Variants in BPTF observed in about 807,000 individuals in gnomAD.
The protein encoded by BPTF is bromodomain PHD finger transcription factor.
BPTF carries 18 observed loss-of-function variants against 292.5 expected under a neutral mutation model. That is an observed-to-expected ratio of 0.06 (90% CI 0.04 to 0.09). The LOEUF (loss-of-function observed/expected upper bound fraction) is 0.09. Ranked by LOEUF, BPTF falls within the 10% of genes least tolerant of loss-of-function variation. The pLI is 1.00. For synonymous variants in BPTF, 1,225 were observed against 1,251.9 expected (o/e 0.98, Z 0.45); for missense variants, 2,726 against 3,498.7 (o/e 0.78, Z 5.57).
Position 67,922,834 on chromosome 17 carries a change from C to T in BPTF, c.5558-6C>T. 6.3e-7 allele frequency: 1 copy of T among 1,583,622 alleles called. No individual in the cohort carries two copies. The highest frequency in any genetic ancestry group is 8.5e-7 in the Non-Finnish European group (1 of 1,171,936). On this transcript the variant is annotated splice_polypyrimidine_tract_variant and splice_region_variant and intron_variant, in intron 13 of 27. Coordinates refer to ENST00000306378, the MANE Select transcript of BPTF (RefSeq NM_182641.4). ...TGCTTAAAATATTCTGATTTCCTTT[C>T]CAAAGAAACGCCTACACCTCAGAGG... is the stretch of plus-strand genomic sequence containing the variant.
At chr17:67,947,956 A>C in intron 22 of BPTF, 125 bp from the exon 23 acceptor site, 1 of 1,247,746 alleles carries the variant, frequency 8.0e-7, no homozygotes, top group African/African-American at 1.5e-5. Context: ...ACTGGTTTGA[A>C]CCACTCTTGA....
chr17:67,976,908 C>G (rs553299466), intron 27 of BPTF, among the ~76,000 whole-genome samples: 1 of 152,106 alleles, frequency 6.6e-6, no homozygotes, highest in Admixed American at 6.6e-5. Context: ...AGTTGATAAA[C>G]ATCATAAACC....
At chr17:67,941,899 A>T (rs2065396700) in intron 19 of BPTF, among the ~76,000 whole-genome samples, 1 of 152,240 alleles carries the variant, frequency 6.6e-6, no homozygotes, top group Admixed American at 6.5e-5. Flanking sequence ...CTACAGAGAG[A>T]GTGAAGAAAA....
At chr17:67,930,662 G>A (rs1437280294) in intron 17 of BPTF, among the ~76,000 whole-genome samples, 1 of 152,022 alleles carries the variant, frequency 6.6e-6, no homozygotes, top group Non-Finnish European at 1.5e-5. Flanking sequence ...ACTATGAAAG[G>A]ACCAGGGGCA....
At chr17:67,827,974 T>G (rs1431244719) in intron 1 of BPTF, among the ~76,000 whole-genome samples, 2 of 149,852 alleles carry the variant, frequency 1.3e-5, no homozygotes, top group African/African-American at 4.9e-5. Context: ...CTCTGTCGTC[T>G]GGGCTGGAGT....
intron 11 of BPTF, among the ~76,000 whole-genome samples, chr17:67,914,096 A>G (rs542732633): frequency 1.9e-4 from 29 of 152,336 alleles, no homozygotes; most frequent in African/African-American, 7.0e-4. Context: ...AGAATCAGTC[A>G]TAGTTGCAGT....
At chr17:67,861,340 C>CTTTTTTTT (rs568176532) in intron 2 of BPTF, among the ~76,000 whole-genome samples, 1 of 135,102 alleles carries the variant, frequency 7.4e-6, no homozygotes. Flanking sequence ...AAGATTTTTT[C>CTTTTTTTT]TTTTTTTTTT....
chr17:67,851,157 C>T (rs553615052), intron 1 of BPTF, among the ~76,000 whole-genome samples: 1 of 152,208 alleles, frequency 6.6e-6, no homozygotes, highest in South Asian at 2.1e-4. Flanking sequence ...TCGGCAGAGT[C>T]TGGGACCCTA....
intron 15 of BPTF, 91 bp from the exon 16 acceptor site, chr17:67,928,264 T>A: frequency 1.5e-6 from 2 of 1,309,702 alleles, no homozygotes; most frequent in Non-Finnish European, 2.1e-6. Flanking sequence ...TTTCTTAAGG[T>A]GAGAGAAATT....
chr17:67,938,172 T>C (rs2065078243), intron 18 of BPTF, among the ~76,000 whole-genome samples: 1 of 152,228 alleles, frequency 6.6e-6, no homozygotes, highest in South Asian at 2.1e-4. Context: ...TAAATTGATA[T>C]ATACCTATTG....
At chr17:67,860,765 C>T (rs1425644391) in intron 2 of BPTF, among the ~76,000 whole-genome samples, 2 of 152,190 alleles carry the variant, frequency 1.3e-5, no homozygotes, top group African/African-American at 4.8e-5. Flanking sequence ...CACTATGTTG[C>T]CAGGCTGGTC....
At chr17:67,962,728 A>G (rs2067639931) in intron 24 of BPTF, among the ~76,000 whole-genome samples, 1 of 152,258 alleles carries the variant, frequency 6.6e-6, no homozygotes, top group South Asian at 2.1e-4. Context: ...ATGTTTATTC[A>G]GAAAACCTGG....
chr17:67,840,990 T>C (rs2057511545), intron 1 of BPTF, among the ~76,000 whole-genome samples: 1 of 152,216 alleles, frequency 6.6e-6, no homozygotes, highest in Non-Finnish European at 1.5e-5. Context: ...ACAGTGTCTT[T>C]TTCCCAGAGC....
chr17:67,923,421 TGATTTTAAGTGCTAGCTGTAAA>T, intron 14 of BPTF, among the ~76,000 whole-genome samples: 1 of 150,962 alleles, frequency 6.6e-6, no homozygotes, highest in African/African-American at 2.4e-5. Context: ...ACTCCACCTT[TGATTTTAAGTGCTAGCTGTAAA>T]TAGTTTAGTA....
At chr17:67,961,785 C>T (rs1555684223) in intron 24 of BPTF, among the ~76,000 whole-genome samples, 2 of 152,048 alleles carry the variant, frequency 1.3e-5, no homozygotes, top group Non-Finnish European at 2.9e-5. Context: ...ATCAGCCTGG[C>T]CAACATGGCA....
chr17:67,888,933 C>G (rs762925442), intron 4 of BPTF, among the ~76,000 whole-genome samples: 1 of 152,176 alleles, frequency 6.6e-6, no homozygotes, highest in Non-Finnish European at 1.5e-5. Context: ...GACAGTAGCA[C>G]TCACTTGTAG....
chr17:67,854,665 G>C lies in BPTF; in HGVS notation c.1339G>C (p.Ala447Pro). 6.2e-7 allele frequency: 1 copy of C among 1,614,184 alleles called. No homozygotes were observed. Residue 447 changes from alanine (A) to proline (P), a missense_variant, in exon 2 of 28, where the codon GCT becomes CCT. By Grantham distance (27) the Ala-to-Pro change is conservative (BLOSUM62 -1). This residue lies in a region of BPTF where 22 missense variants were observed against 97.3 expected (regional missense o/e 0.23). Transcript: ENST00000306378. The surrounding 1 kb of genome is among the most constrained non-coding windows in gnomAD (Gnocchi z 5.6). ...GGTGCCTGGTGTGACTGACTGTGTT[G>C]CTGAAATCCAAAAAAATAAACCATA... is the stretch of plus-strand genomic sequence containing the variant. Reference protein sequence around the residue: ...HKVPGVTDCVAEIQKNKPYIR... With the variant: ...HKVPGVTDCVPEIQKNKPYIR...
intron 2 of BPTF, 60 bp from the exon 3 acceptor site, chr17:67,866,404 A>G (rs2059393396): frequency 7.8e-7 from 1 of 1,289,696 alleles, no homozygotes; most frequent in Non-Finnish European, 1.1e-6. Context: ...GGGTAGATGA[A>G]CTGTCAGATA....
chr17:67,969,452 CAAAAAAAAA>C lies in BPTF; in HGVS notation c.8539+2811_8539+2819del, dbSNP rs11360473. 3.5e-4 allele frequency among the ~76,000 whole-genome samples: 17 copies of C among 47,972 alleles called. No individual in the cohort carries two copies. The South Asian group carries it at 4.8e-3, about 14-fold the overall frequency. 31.5% of individuals were successfully genotyped at this position (47,972 alleles called of 152,430 possible). On this transcript the variant is annotated intron_variant, in intron 26 of 27. Transcript: ENST00000306378. ...GGGCAACAGAGAAAAACTCTGTCTC[CAAAAAAAAA>C]AAAAAAAAAAAAAAGAGATAGCCAT...
Sources: gnomAD v4.1 joint callset for allele counts (sites outside exome capture counted in the v4.1 genomes callset) on GRCh38, gnomAD v4.1.1 for gene constraint, gnomAD v4.1.1 regional missense constraint, Gnocchi (gnomAD v3.1) non-coding constraint, MANE v1.5 for transcripts, NCBI Gene and HGNC (gene_info 2026-07-23, HGNC 2026-07-21) for gene names.